EDIL3: variants seen among roughly 807,000 people sequenced by gnomAD.
EDIL3 encodes the protein EGF-like repeat and discoidin I-like domain-containing protein 3.
In EDIL3, 37 loss-of-function variants were observed where a neutral mutation model predicts 67.4. That is an observed-to-expected ratio of 0.55 (90% CI 0.42 to 0.72). The LOEUF (loss-of-function observed/expected upper bound fraction) is 0.72, where lower values mean the gene tolerates loss of function less well. Ranked by LOEUF, EDIL3 falls within the 30% of genes least tolerant of loss-of-function variation. The pLI is 0.00. For missense variants in EDIL3, 527 were observed against 586.3 expected, an observed-to-expected ratio of 0.90 and a Z score of 1.04; for synonymous variants, 195 against 196.3, an observed-to-expected ratio of 0.99 and a Z score of 0.05.
At chr5:84,050,299 T>C (rs996614357) in intron 9 of EDIL3, among the ~76,000 whole-genome samples, 2 of 148,724 alleles carry the variant, frequency 1.3e-5, no homozygotes, top group African/African-American at 5.0e-5. Flanking sequence ...ATTAGAGTAA[T>C]AAAAACAATA....
intron 3 of EDIL3, among the ~76,000 whole-genome samples, chr5:84,200,234 T>C (rs1211777166): frequency 6.6e-6 from 1 of 152,086 alleles, no homozygotes; most frequent in African/African-American, 2.4e-5. Context: ...AACCTGCACG[T>C]TGTGCACATG....
chr5:84,150,121 CA>C (rs1748363393), intron 4 of EDIL3, among the ~76,000 whole-genome samples: 1 of 151,996 alleles, frequency 6.6e-6, no homozygotes, highest in African/African-American at 2.4e-5. Flanking sequence ...AAGAAAGCTA[CA>C]AAAAGGCACA....
At chr5:84,066,714 TAAA>T (rs1224261601) in intron 6 of EDIL3, 108 bp from the exon 7 acceptor site, 1 of 1,345,940 alleles carries the variant, frequency 7.4e-7, no homozygotes, top group Non-Finnish European at 1.0e-6. Flanking sequence ...AATAATAACA[TAAA>T]AAGCTAATAA....
intron 1 of EDIL3, among the ~76,000 whole-genome samples, chr5:84,383,872 C>A (rs1179562497): frequency 6.6e-6 from 1 of 152,188 alleles, no homozygotes; most frequent in Admixed American, 6.5e-5. Flanking sequence ...GCTCCCCAGC[C>A]TCTTCCCGCA....
chr5:84,372,466 C>T (rs548554883), intron 1 of EDIL3, among the ~76,000 whole-genome samples: 17 of 152,098 alleles, frequency 1.1e-4, no homozygotes, highest in African/African-American at 3.1e-4. Context: ...GAATTAAAAC[C>T]GCCAAGCAGA....
At chr5:84,229,158 C>G (rs1442713752) in intron 3 of EDIL3, among the ~76,000 whole-genome samples, 1 of 151,866 alleles carries the variant, frequency 6.6e-6, no homozygotes, top group Non-Finnish European at 1.5e-5. Context: ...TGTGTCTGGT[C>G]TTTAGTCTCT....
intron 9 of EDIL3, among the ~76,000 whole-genome samples, chr5:84,040,514 A>ATT (rs1746101052): frequency 6.8e-6 from 1 of 147,238 alleles, no homozygotes; most frequent in Admixed American, 6.8e-5. Context: ...TAGATATATA[A>ATT]TTATATATAT....
At chr5:84,003,907 T>G (rs1435039060) in intron 9 of EDIL3, among the ~76,000 whole-genome samples, 1 of 151,710 alleles carries the variant, frequency 6.6e-6, no homozygotes, top group Non-Finnish European at 1.5e-5. Flanking sequence ...GACCCAAATG[T>G]ACGCTGTCTT....
intron 9 of EDIL3, among the ~76,000 whole-genome samples, chr5:84,058,252 AG>A (rs1190357662): frequency 6.6e-6 from 1 of 152,072 alleles, no homozygotes; most frequent in East Asian, 1.9e-4. Context: ...AAAAACTCTT[AG>A]GTTATATTAA....
intron 1 of EDIL3, among the ~76,000 whole-genome samples, chr5:84,271,414 T>TATAA (rs1370904698): frequency 5.1e-4 from 49 of 96,340 alleles, no homozygotes; most frequent in African/African-American, 1.9e-3. Flanking sequence ...ACTCTGTCTC[T>TATAA]ACAAATAAAT....
chr5:84,147,630 A>C (rs1386114588), intron 4 of EDIL3, among the ~76,000 whole-genome samples: 4 of 152,110 alleles, frequency 2.6e-5, no homozygotes, highest in Non-Finnish European at 4.4e-5. Context: ...AAATCTTTTT[A>C]AGATACGTTT....
At chr5:84,248,641 T>C (rs1408886722) in intron 2 of EDIL3, among the ~76,000 whole-genome samples, 2 of 152,194 alleles carry the variant, frequency 1.3e-5, no homozygotes, top group Admixed American at 1.3e-4. Flanking sequence ...ATTCAACATG[T>C]GAAATACTGA....
chr5:84,021,052 A>AT (rs1240888290), intron 9 of EDIL3, among the ~76,000 whole-genome samples: 2 of 152,072 alleles, frequency 1.3e-5, no homozygotes, highest in Non-Finnish European at 1.5e-5. Flanking sequence ...AAAGAAATAC[A>AT]TTAAAACTAA....
At chr5:84,276,801 T>C (rs917738483) in intron 1 of EDIL3, among the ~76,000 whole-genome samples, 47 of 152,088 alleles carry the variant, frequency 3.1e-4, no homozygotes, top group African/African-American at 1.1e-3. Flanking sequence ...CTCAAACTCC[T>C]GACCTCGCGA....
chr5:83,989,045 G>T (rs2112157114), intron 9 of EDIL3, among the ~76,000 whole-genome samples: 1 of 152,176 alleles, frequency 6.6e-6, no homozygotes, highest in African/African-American at 2.4e-5. Context: ...TTTTTTGTTG[G>T]CAAAGTTATA....
intron 9 of EDIL3, among the ~76,000 whole-genome samples, chr5:83,989,945 C>CTGCTGG (rs1745121686): frequency 6.6e-6 from 1 of 152,240 alleles, no homozygotes; most frequent in African/African-American, 2.4e-5. Context: ...TGGCAACTAG[C>CTGCTGG]AAAAGGGCTG....
At chr5:83,967,980 G>A (rs751809923) in intron 9 of EDIL3, among the ~76,000 whole-genome samples, 1 of 152,042 alleles carries the variant, frequency 6.6e-6, no homozygotes, top group Non-Finnish European at 1.5e-5. Flanking sequence ...AAACGGAAAT[G>A]ACTTTGAAGC....
At chr5:84,302,824 T>C (rs1746187017) in intron 1 of EDIL3, among the ~76,000 whole-genome samples, 1 of 152,224 alleles carries the variant, frequency 6.6e-6, no homozygotes, top group Admixed American at 6.5e-5. Flanking sequence ...CAAAGTAGAA[T>C]GTGGAAAATC....
At chr5:84,131,622 T>C (rs1747968202) in intron 5 of EDIL3, among the ~76,000 whole-genome samples, 2 of 152,088 alleles carry the variant, frequency 1.3e-5, no homozygotes, top group Admixed American at 1.3e-4. Context: ...TAAAATGGAA[T>C]CAGTAGTAAA....
Sources: allele counts gnomAD v4.1 joint callset (sites outside exome capture counted in the v4.1 genomes callset), GRCh38; gene constraint gnomAD v4.1.1; transcripts MANE v1.5; gene names NCBI Gene and HGNC (gene_info 2026-07-23, HGNC 2026-07-21).